The following LHX8 variants were observed in gnomAD, a reference collection of about 807,000 sequenced individuals.
The protein encoded by LHX8 is LIM homeobox 8.
In LHX8, 12 loss-of-function variants were observed where a neutral mutation model predicts 40.3. The observed-to-expected ratio is 0.30, with a 90% CI of 0.19 to 0.48. The LOEUF is 0.48. Among genes scored for constraint, LHX8 ranks in the 20% least tolerant of loss-of-function variants. The pLI is 0.99. For missense variants in LHX8, 344 were observed against 433.7 expected (o/e 0.79, Z 1.84); for synonymous variants, 179 against 162.0 (o/e 1.10, Z -0.80).
intron 7 of LHX8, among the ~76,000 whole-genome samples, chr1:75,156,434 G>GT (rs1648770108): frequency 6.6e-6 from 1 of 151,994 alleles, no homozygotes; most frequent in African/African-American, 2.4e-5. Context: ...TAGAGACGGG[G>GT]TTTTACCATG....
chr1:75,156,580 C>T (rs1648774896), intron 7 of LHX8, among the ~76,000 whole-genome samples: 1 of 152,106 alleles, frequency 6.6e-6, no homozygotes, highest in Non-Finnish European at 1.5e-5. Flanking sequence ...CAAGGGGTAA[C>T]CTTAACGTTT....
chr1:75,131,059 G>A (rs1474524492), upstream of LHX8: 1 of 426,952 alleles, frequency 2.3e-6, no homozygotes, highest in Admixed American at 3.5e-5. Context: ...CGCGGGCCAG[G>A]GAAAGCTCGG....
chr1:75,138,185 A>T (rs1648206877), intron 3 of LHX8, among the ~76,000 whole-genome samples: 1 of 152,236 alleles, frequency 6.6e-6, no homozygotes, highest in Non-Finnish European at 1.5e-5. Context: ...TGGGGTTTCA[A>T]CTTAAATAGC....
intron 3 of LHX8, among the ~76,000 whole-genome samples, chr1:75,138,584 G>A (rs1648218060): frequency 6.6e-6 from 1 of 152,102 alleles, no homozygotes; most frequent in South Asian, 2.1e-4. Context: ...TTTGGATATT[G>A]CAAAATCATC....
At chr1:75,178,971 A>G in the LHX8 span, among the ~76,000 whole-genome samples, 1 of 152,068 alleles carries the variant, frequency 6.6e-6, no homozygotes, top group Non-Finnish European at 1.5e-5. Context: ...GTTTCCATGT[A>G]GTTGTGTGGT....
intron 8 of LHX8, chr1:75,159,536 T>A (rs1265912458): frequency 6.6e-6 from 1 of 152,210 alleles, no homozygotes; most frequent in East Asian, 1.9e-4. Flanking sequence ...TAATTTATTA[T>A]GTTTTTCAGT....
upstream of LHX8, chr1:75,130,837 T>G: frequency 8.8e-7 from 1 of 1,132,064 alleles, no homozygotes; most frequent in Non-Finnish European, 1.3e-6. Flanking sequence ...AGACACGGTC[T>G]CCTAACCCTG....
At chr1:75,198,819 T>C in the LHX8 span, among the ~76,000 whole-genome samples, 26 of 151,676 alleles carry the variant, frequency 1.7e-4, no homozygotes, top group Admixed American at 1.7e-3. Flanking sequence ...CCAGGGAAAA[T>C]GAGAAAAGAG....
Position 75,137,158 on chromosome 1 carries a change from C to G in LHX8, c.134C>G (p.Pro45Arg). Residue 45 changes from proline (P) to arginine (R), a missense_variant, in exon 3 of 9, where the codon CCG becomes CGG. Physicochemically the swap from Pro to Arg is moderately radical, Grantham distance 103. This residue lies in a region of LHX8 where 108 missense variants were observed against 90.1 expected (regional missense o/e 1.20). Transcript: ENST00000356261. ...DSCSSSAPLS[P>R]SSSPRSMASG... ...TGCTCCTCCTCGGCCCCGCTGTCCC[C>G]GTCGTCCTCGCCCCGGTCCATGGCC... is the stretch of plus-strand genomic sequence containing the variant. The G allele has an allele frequency of 6.2e-7, 1 of 1,612,976 alleles. No individual in the cohort carries two copies. The highest frequency in any genetic ancestry group is 8.5e-7 in the Non-Finnish European group (1 of 1,179,640).
At chr1:75,191,222 T>C in the LHX8 span, among the ~76,000 whole-genome samples, 3 of 151,738 alleles carry the variant, frequency 2.0e-5, no homozygotes, top group Non-Finnish European at 4.4e-5. Context: ...AGGCCAAGAA[T>C]GAAGAGCAAA....
chr1:75,160,671 T>G (rs958402843), intron 8 of LHX8, 148 bp from the exon 9 acceptor site: 1 of 696,876 alleles, frequency 1.4e-6, no homozygotes, highest in Non-Finnish European at 2.6e-6. Flanking sequence ...AGGTTAATGC[T>G]TCTGCTGAGG....
intron 6 of LHX8, among the ~76,000 whole-genome samples, chr1:75,146,945 C>G (rs1648475016): frequency 6.6e-6 from 1 of 152,062 alleles, no homozygotes; most frequent in Non-Finnish European, 1.5e-5. Context: ...CTTACAAAAT[C>G]CCCAAATCTG....
intron 2 of LHX8, 38 bp downstream of exon 2, chr1:75,136,727 C>T (rs749608984): frequency 6.2e-6 from 9 of 1,454,688 alleles, no homozygotes; most frequent in Non-Finnish European, 8.3e-6. Flanking sequence ...CAAGACTGGC[C>T]GTGGGGAGGC....
Position 75,148,910 on chromosome 1 carries a change from C to T in LHX8, c.780+228C>T, listed in dbSNP as rs1393766886. ...CTAATTCTGGGTATTTATAAGTATG[C>T]ATTGGTGTTTTTTTGTGTGTGAAGA... On this transcript the variant is annotated intron_variant, in intron 7 of 8. Transcript: ENST00000356261. 4.6e-5 allele frequency among the ~76,000 whole-genome samples: 7 copies of T among 152,208 alleles called. 1 individual carries two copies. The South Asian group carries it at 8.3e-4, about 18-fold the overall frequency.
chr1:75,153,296 G>T (rs1263474473), intron 7 of LHX8, among the ~76,000 whole-genome samples: 1 of 152,032 alleles, frequency 6.6e-6, no homozygotes, highest in Non-Finnish European at 1.5e-5. Flanking sequence ...TGGTAGAGAC[G>T]GGGTTTCACC....
At chr1:75,197,827 A>G in the LHX8 span, among the ~76,000 whole-genome samples, 24 of 152,210 alleles carry the variant, frequency 1.6e-4, no homozygotes, top group Admixed American at 1.4e-3. Flanking sequence ...CCACTGACCT[A>G]CACAAACTCA....
the LHX8 span, among the ~76,000 whole-genome samples, chr1:75,194,625 A>G: frequency 3.0e-4 from 45 of 152,280 alleles, 1 homozygote; most frequent in Middle Eastern, 3.4e-3. Flanking sequence ...CCAGTGTCTC[A>G]AAGGAAAACA....
At chr1:75,182,829 T>C in the LHX8 span, among the ~76,000 whole-genome samples, 1 of 152,230 alleles carries the variant, frequency 6.6e-6, no homozygotes, top group Non-Finnish European at 1.5e-5. Context: ...TTTGGTTCCA[T>C]ATGAATTTTA....
At chr1:75,177,903 G>A in the LHX8 span, among the ~76,000 whole-genome samples, 4 of 152,166 alleles carry the variant, frequency 2.6e-5, no homozygotes, top group South Asian at 4.1e-4. Context: ...GAATTTTGTT[G>A]AAGGCCTTTT....
Sources: gnomAD v4.1 joint callset for allele counts (sites outside exome capture counted in the v4.1 genomes callset) on GRCh38, gnomAD v4.1.1 for gene constraint, gnomAD v4.1.1 regional missense constraint, MANE v1.5 for transcripts, NCBI Gene and HGNC (gene_info 2026-07-23, HGNC 2026-07-21) for gene names.